CHTF8: variants seen among roughly 807,000 people sequenced by gnomAD.
CHTF8 encodes the protein chromosome transmission fidelity protein 8 homolog.
CHTF8 carries 6 observed loss-of-function variants against 11.0 expected under a neutral mutation model. The ratio of observed to expected loss-of-function variants is 0.55; its 90% CI spans 0.30 to 1.08. The LOEUF (loss-of-function observed/expected upper bound fraction) is 1.08. Ranked by LOEUF, CHTF8 falls within the 50% of genes least tolerant of loss-of-function variation. The pLI is 0.07. For synonymous variants in CHTF8, 53 were observed against 60.5 expected (o/e 0.88, Z 0.57); for missense variants, 140 against 153.1 (o/e 0.91, Z 0.45).
At chr16:69,127,673 G>A (rs1267914583) in intron 1 of CHTF8, among the ~76,000 whole-genome samples, 16 of 137,738 alleles carry the variant, frequency 1.2e-4, no homozygotes, top group Non-Finnish European at 2.4e-4. Flanking sequence ...GCAGTGGCTC[G>A]ATCTCAGCTC....
chr16:69,120,635 C>G lies in CHTF8; in HGVS notation c.156G>C (p.Leu52=), dbSNP rs1042258566. Residue 52 remains leucine (L), a synonymous_variant, in exon 4 of 4, where the codon CTG becomes CTC. Transcript: ENST00000448552. This position sits in a 1 kb window ranked among gnomAD's most constrained non-coding sequence, Gnocchi z 4.0. ...CATACAGGATATGATGCCCCACGAT[C>G]AGCACAGGGATTCCCTTTGGCAGAA... The part of the protein sequence containing the change: ...LHYTTEGIPV[L]IVGHHILYGK... 1.2e-6 allele frequency: 2 copies of G among 1,611,746 alleles called. No homozygotes were observed. Among genetic ancestry groups the G allele is most frequent in the African/African-American group, 1.3e-5 (1 of 74,866 alleles).
In CHTF8 at chr16:69,119,997, G is replaced by A. The variant is rs1961504941; in HGVS notation, c.*428C>T. 1.4e-6 allele frequency: 1 copy of A among 695,264 alleles called. No individual in the cohort carries two copies. The highest frequency in any genetic ancestry group is 2.6e-6 in the Non-Finnish European group (1 of 379,896). The allele number at this position is 695,264 out of a possible 1,614,324, so 43.1% of individuals were successfully genotyped here. A position where few individuals can be genotyped will look rare whatever the true frequency, so the allele number is the denominator to read the frequency against. ...GTCCTGGGAGACCCCCTAACCTGGGGTTAGACAGAGGCCCTGGGCCTGGCA... is the reference window on the plus strand; with the variant it reads ...GTCCTGGGAGACCCCCTAACCTGGGATTAGACAGAGGCCCTGGGCCTGGCA... On this transcript the variant is annotated 3_prime_UTR_variant, in exon 4 of 4. Transcript: ENST00000448552.
Position 69,118,805 on chromosome 16 carries a change from A to C in CHTF8, c.*1620T>G. ...CTTTTACCTAAGACAGCCCCTGCCA[A>C]GAACCACAGTGCCTAGAAACCAAGG... On this transcript the variant is annotated 3_prime_UTR_variant, in exon 4 of 4. Coordinates refer to ENST00000448552, the MANE Select transcript of CHTF8 (RefSeq NM_001039690.5). 1.5e-6 allele frequency: 1 copy of C among 663,702 alleles called. No homozygotes were observed. 41.1% of individuals were successfully genotyped at this position (663,702 alleles called of 1,614,324 possible).
chr16:69,131,234 T>G (rs2152273900), intron 1 of CHTF8: 1 of 152,330 alleles, frequency 6.6e-6, no homozygotes, highest in East Asian at 1.9e-4. Context: ...GTGTGGATGC[T>G]ATGCATACAC....
rs1419543292 is a variant in CHTF8, at chr16:69,118,397, G to C, written c.*2028C>G. 1.2e-6 allele frequency: 2 copies of C among 1,613,280 alleles called. No individual in the cohort carries two copies. The highest frequency in any genetic ancestry group is 1.7e-5 in the Admixed American group (1 of 60,016). ...GGCAGTAGAGGATGACCAGGTCCAA[G>C]CTGCCCAGGTCAGAGCTACGGAAGC... On this transcript the variant is annotated 3_prime_UTR_variant, in exon 4 of 4. Coordinates refer to ENST00000448552, the MANE Select transcript of CHTF8 (RefSeq NM_001039690.5).
In CHTF8 at chr16:69,120,261, A is replaced by G. The variant is rs749203164; in HGVS notation, c.*164T>C. On this transcript the variant is annotated 3_prime_UTR_variant, in exon 4 of 4. Coordinates refer to ENST00000448552, the MANE Select transcript of CHTF8 (RefSeq NM_001039690.5). This position sits in a 1 kb window ranked among gnomAD's most constrained non-coding sequence, Gnocchi z 4.0. ...ATGGGGTCAGATTTCCACCAAGAGA[A>G]CCGGCCGCCATAAGGAAGGGATCCG... 1.4e-6 allele frequency: 1 copy of G among 725,750 alleles called. No homozygotes were observed. Among genetic ancestry groups the G allele is most frequent in the Non-Finnish European group, 2.5e-6 (1 of 402,476 alleles). The allele number at this position is 725,750 out of a possible 1,614,324, so 45.0% of individuals were successfully genotyped here.
chr16:69,126,594 T>C (rs147286517), intron 1 of CHTF8, among the ~76,000 whole-genome samples: 3 of 152,316 alleles, frequency 2.0e-5, no homozygotes, highest in East Asian at 3.9e-4. Context: ...CCTAGAACTA[T>C]TGGGATGCTG....
At chr16:69,128,996 G>A (rs191711455) in intron 1 of CHTF8, among the ~76,000 whole-genome samples, 53 of 151,734 alleles carry the variant, frequency 3.5e-4, no homozygotes, top group African/African-American at 1.2e-3. Context: ...CCTGGGAGGC[G>A]GTAGTTACAG....
At chr16:69,127,287 T>G (rs1962136884) in intron 1 of CHTF8, among the ~76,000 whole-genome samples, 1 of 148,670 alleles carries the variant, frequency 6.7e-6, no homozygotes, top group African/African-American at 2.5e-5. Flanking sequence ...TGTGCCCCCA[T>G]CCCCTTGAGA....
At chr16:69,121,358 G>T in intron 2 of CHTF8, 78 bp downstream of exon 2, 1 of 1,370,280 alleles carries the variant, frequency 7.3e-7, no homozygotes, top group Non-Finnish European at 1.0e-6. Context: ...TAAGGACCCT[G>T]ATTCTTCCAG....
chr16:69,129,634 A>C (rs116115547), intron 1 of CHTF8, among the ~76,000 whole-genome samples: 2,210 of 152,242 alleles, frequency 0.015, 63 homozygotes, highest in African/African-American at 0.051. Context: ...CTAAATGTTA[A>C]CTGGTCACAC....
chr16:69,129,285 C>A (rs1345741742), intron 1 of CHTF8, among the ~76,000 whole-genome samples: 18 of 151,698 alleles, frequency 1.2e-4, no homozygotes, highest in Non-Finnish European at 2.9e-5. Flanking sequence ...AAAAAATTAG[C>A]CGGGCGTGGT....
At position 69,119,317 on chromosome 16, in the gene CHTF8, A is replaced by G. The variant is rs1961432322; in HGVS notation, c.*1108T>C. On this transcript the variant is annotated 3_prime_UTR_variant, in exon 4 of 4. Coordinates refer to ENST00000448552, the MANE Select transcript of CHTF8 (RefSeq NM_001039690.5). ...TGCCAATGTGCCAGAAGACTGAGAAAAGGCAGATGAACCTGCTCCCCTGGG... is the reference window on the plus strand; with the variant it reads ...TGCCAATGTGCCAGAAGACTGAGAAGAGGCAGATGAACCTGCTCCCCTGGG... The G allele has an allele frequency of 4.3e-6, 3 of 703,106 alleles. No individual in the cohort carries two copies. The East Asian group carries it at 8.0e-5, about 19-fold the overall frequency. 43.6% of individuals were successfully genotyped at this position (703,106 alleles called of 1,614,324 possible). A position where few individuals can be genotyped will look rare whatever the true frequency, so the allele number is the denominator to read the frequency against.
At chr16:69,127,265 C>T (rs1280485340) in intron 1 of CHTF8, among the ~76,000 whole-genome samples, 5 of 149,712 alleles carry the variant, frequency 3.3e-5, no homozygotes, top group African/African-American at 1.2e-4. Context: ...CATATGAGAA[C>T]ATGCAACCCA....
At position 69,128,208 on chromosome 16, in the gene CHTF8, C is replaced by T. The variant is rs545217303; in HGVS notation, c.-36+4276G>A. Reference sequence around the variant, plus strand: ...GATTACAGGCGTGAACCACAGCGCCCGGCTAACTATCTCTTAAGAGCAGAG... The same window carrying T: ...GATTACAGGCGTGAACCACAGCGCCTGGCTAACTATCTCTTAAGAGCAGAG... On this transcript the variant is annotated intron_variant, in intron 1 of 3. Transcript: ENST00000448552. Among the ~76,000 whole-genome samples, 31 of 152,270 alleles carry T rather than the reference C, an allele frequency of 2.0e-4. No individual in the cohort carries two copies. In the South Asian group the frequency reaches 4.4e-3, roughly 21 times the overall value.
chr16:69,123,795 T>C lies in CHTF8; in HGVS notation c.-35-2302A>G, dbSNP rs186676263. On this transcript the variant is annotated intron_variant, in intron 1 of 3. Transcript: ENST00000448552. ...TATGAAAATATCTTAGATAATTAGA[T>C]AACAGACTTTGGCCGGGAGCAGTAG... Among the ~76,000 whole-genome samples the C allele has an allele frequency of 1.8e-3, 274 of 152,024 alleles. 2 individuals are homozygous for C. The highest frequency in any genetic ancestry group is 3.9e-3 in the South Asian group (19 of 4,814).
In CHTF8 at chr16:69,118,844, A is replaced by G; in HGVS notation, c.*1581T>C. On this transcript the variant is annotated 3_prime_UTR_variant, in exon 4 of 4. Coordinates refer to ENST00000448552, the MANE Select transcript of CHTF8 (RefSeq NM_001039690.5). ...TAGAAACCAAGGTGGTCCTGGAGGG[A>G]AAATGGTGTTTAAGGGGGCAACATT... is the stretch of plus-strand genomic sequence containing the variant. The G allele has an allele frequency of 1.4e-6, 1 of 698,054 alleles. No homozygotes were observed. The highest frequency in any genetic ancestry group is 2.6e-6 in the Non-Finnish European group (1 of 381,866). The allele number at this position is 698,054 out of a possible 1,614,324, so 43.2% of individuals were successfully genotyped here.
Position 69,118,513 on chromosome 16 carries a change from G to A in CHTF8, c.*1912C>T, listed in dbSNP as rs1171018793. ...GACTACATGTGAACTGGGACCTGCA[G>A]GCCAATGTATCCCTGAGGAAAAGTC... On this transcript the variant is annotated 3_prime_UTR_variant, in exon 4 of 4. Transcript: ENST00000448552. 2 of 1,048,578 alleles carry A rather than the reference G, an allele frequency of 1.9e-6. No individual in the cohort carries two copies. The highest frequency in any genetic ancestry group is 3.0e-6 in the Non-Finnish European group (2 of 663,614). The allele number at this position is 1,048,578 out of a possible 1,614,324, so 65.0% of individuals were successfully genotyped here.
chr16:69,126,563 G>A lies in CHTF8; in HGVS notation c.-35-5070C>T, dbSNP rs79466025. On this transcript the variant is annotated intron_variant, in intron 1 of 3. Transcript: ENST00000448552. ...GCATCTTACCACCATGCTCAGTCAG[G>A]CTGGTAAAAACTTGTCTTATCCTAG... is the stretch of plus-strand genomic sequence containing the variant. Among the ~76,000 whole-genome samples, 718 of 152,300 alleles carry A rather than the reference G, an allele frequency of 4.7e-3. 5 individuals carry two copies. The highest frequency in any genetic ancestry group is 0.017 in the African/African-American group (690 of 41,558).
Sources: gnomAD v4.1 joint callset for allele counts (sites outside exome capture counted in the v4.1 genomes callset) on GRCh38, gnomAD v4.1.1 for gene constraint, Gnocchi (gnomAD v3.1) non-coding constraint, MANE v1.5 for transcripts, NCBI Gene and HGNC (gene_info 2026-07-23, HGNC 2026-07-21) for gene names.